The following ZAP70 variants were observed in gnomAD, a reference collection of about 807,000 sequenced individuals.
The protein encoded by ZAP70 is zeta chain of T cell receptor associated protein kinase 70.
Under a neutral mutation model 65.8 loss-of-function variants are expected in ZAP70, and 27 were observed. That is an observed-to-expected ratio of 0.41 (90% CI 0.30 to 0.57). The LOEUF is 0.57. ZAP70 is among the 20% of genes least tolerant of loss of function. The probability of loss-of-function intolerance (pLI) is 0.28; values close to 1 mark genes in which losing one functional copy is unlikely to be tolerated. For synonymous variants in ZAP70, 363 were observed against 360.8 expected, an observed-to-expected ratio of 1.01 and a Z score of -0.07; for missense variants, 696 against 870.5, an observed-to-expected ratio of 0.80 and a Z score of 2.52.
chr2:97,734,195 A>G, intron 8 of ZAP70: 1 of 444,850 alleles, frequency 2.2e-6, no homozygotes, highest in Non-Finnish European at 3.8e-6. Context: ...ATACGCAGAC[A>G]GGGACGGGCC....
chr2:97,722,902 G>A (rs1362351659), intron 2 of ZAP70, among the ~76,000 whole-genome samples: 1 of 152,148 alleles, frequency 6.6e-6, no homozygotes, highest in African/African-American at 2.4e-5. Flanking sequence ...CAAGCAGATC[G>A]TTACCTAGGG....
Position 97,725,216 on chromosome 2 carries a change from A to G in ZAP70, c.527A>G (p.Lys176Arg), listed in dbSNP as rs777528648. The change falls in exon 4 of 14, where the codon AAA becomes AGA. Residue 176 changes from lysine to arginine, a missense_variant. Physicochemically the swap from Lys to Arg is conservative, Grantham distance 26 (BLOSUM62 2). Transcript: ENST00000264972. The stretch of plus-strand genomic sequence containing the variant: ...CTGACGCGTGAGGAGGCCGAGCGCA[A>G]ACTTTACTCTGGGGCGCAGACCGAC... ...SSLTREEAER[K>R]LYSGAQTDGK... The G allele has an allele frequency of 6.2e-6, 10 of 1,613,988 alleles. 1 individual carries two copies. The South Asian group carries it at 9.9e-5, about 16-fold the overall frequency.
In ZAP70 at chr2:97,739,380, A is replaced by C. The variant is rs1678048779; in HGVS notation, c.1742A>C (p.Glu581Ala). ...LMSDCWIYKWEDRPDFLTVEQ... is the reference protein window; with the variant it reads ...LMSDCWIYKWADRPDFLTVEQ... ...ATGTACCCCACGCCCCACAGGTGGG[A>C]GGATCGCCCCGACTTCCTGACCGTG... The change falls in exon 14 of 14, where the codon GAG (glutamate) becomes GCG (alanine). Residue 581 changes from glutamate (E) to alanine (A), a missense_variant. Glu to Ala is a moderately radical substitution (Grantham distance 107, BLOSUM62 -1). Around this residue, in one of 3 missense-constraint regions of ZAP70, gnomAD observed 78 missense variants for 88.6 expected, o/e 0.88. Coordinates refer to ENST00000264972, the MANE Select transcript of ZAP70 (RefSeq NM_001079.4). The C allele has an allele frequency of 6.2e-7, 1 of 1,613,272 alleles. No individual in the cohort carries two copies. The highest frequency in any genetic ancestry group is 1.3e-5 in the African/African-American group (1 of 74,928).
rs1020800762 is a variant in ZAP70 at position 97,731,268 on chromosome 2, G to A, written c.564-1615G>A. ...CTTCCACAGCTCTGAGACCCCCAGG[G>A]CCAATAGCCCTCCCTCCTCACTGGA... is the stretch of plus-strand genomic sequence containing the variant. On this transcript the variant is annotated intron_variant, in intron 4 of 13. Coordinates refer to ENST00000264972, the MANE Select transcript of ZAP70 (RefSeq NM_001079.4). The surrounding 1 kb of genome is among the most constrained non-coding windows in gnomAD (Gnocchi z 4.0). Among the ~76,000 whole-genome samples the A allele has an allele frequency of 6.6e-6, 1 of 152,110 alleles. No individual in the cohort carries two copies. Among genetic ancestry groups the A allele is most frequent in the Non-Finnish European group, 1.5e-5 (1 of 68,002 alleles).
the ZAP70 span, among the ~76,000 whole-genome samples, chr2:97,752,816 T>G: frequency 6.6e-6 from 1 of 152,196 alleles, no homozygotes; most frequent in Non-Finnish European, 1.5e-5. Context: ...CCTGCCCATG[T>G]GGGAGCAAAT....
At chr2:97,747,815 GTTTTTTTTTTTTTTTTTTTTT>G in the ZAP70 span, among the ~76,000 whole-genome samples, 7 of 54,748 alleles carry the variant, frequency 1.3e-4, no homozygotes, top group Admixed American at 7.6e-4. Flanking sequence ...CTGGCACGAG[GTTTTTTTTTTTTTTTTTTTTT>G]TTTTTTTTTT....
At chr2:97,719,985 G>A (rs1021393418) in intron 2 of ZAP70, among the ~76,000 whole-genome samples, 3 of 152,126 alleles carry the variant, frequency 2.0e-5, no homozygotes, top group Admixed American at 1.3e-4. Flanking sequence ...AGGCCTTTGC[G>A]ATGCGTTTGC....
rs749604693 is a variant in ZAP70 at position 97,739,474 on chromosome 2, G to C, written c.1836G>C (p.Gln612His). The C allele has an allele frequency of 1.9e-6, 3 of 1,613,378 alleles. No individual in the cohort carries two copies. Among genetic ancestry groups the C allele is most frequent in the Admixed American group, 1.7e-5 (1 of 60,008 alleles). Residue 612 changes from glutamine (Q) to histidine (H), a missense_variant, in exon 14 of 14, where the codon CAG becomes CAC. Gln to His is a conservative substitution (Grantham distance 24). Transcript: ENST00000264972. ...TGGAAGGGCCCCCAGGCAGCACACAGAAGGCTGAGGCTGCCTGTGCCTGAG... is the reference window on the plus strand; with the variant it reads ...TGGAAGGGCCCCCAGGCAGCACACACAAGGCTGAGGCTGCCTGTGCCTGAG... ...SKVEGPPGST[Q>H]KAEAACA is the part of the protein sequence containing the mutation.
intron 13 of ZAP70, chr2:97,738,378 C>T (rs1677998511): frequency 1.9e-6 from 1 of 528,064 alleles, no homozygotes; most frequent in South Asian, 2.0e-5. Context: ...ACACATGGAC[C>T]CTGCAACACG....
rs897972295 is a variant in ZAP70 at position 97,724,153 on chromosome 2, C to T, written c.117C>T (p.Cys39=). ...ACGGGCTCTTCCTGCTGCGCCAGTG[C>T]CTGCGCTCGCTGGGCGGCTATGTGC... ...MADGLFLLRQ[C]LRSLGGYVLS... The change falls in exon 3 of 14, where the codon TGC becomes TGT. Residue 39 remains cysteine, a synonymous_variant. Transcript: ENST00000264972. 5 of 1,578,338 alleles carry T rather than the reference C, an allele frequency of 3.2e-6. No homozygotes were observed. The African/African-American group carries it at 5.4e-5, about 17-fold the overall frequency.
downstream of ZAP70, among the ~76,000 whole-genome samples, chr2:97,744,397 T>G (rs1678200390): frequency 6.6e-6 from 1 of 152,268 alleles, no homozygotes; most frequent in South Asian, 2.1e-4. Flanking sequence ...CTCTGCAGTC[T>G]GGCTGTGAGA....
At chr2:97,725,309 C>A in intron 4 of ZAP70, 57 bp downstream of exon 4, 1 of 1,597,748 alleles carries the variant, frequency 6.3e-7, no homozygotes, top group Non-Finnish European at 8.6e-7. Flanking sequence ...GGCAGGGATC[C>A]TGGGGACTGG....
At chr2:97,716,243 C>CA (rs1225487233) in intron 2 of ZAP70, among the ~76,000 whole-genome samples, 1 of 152,202 alleles carries the variant, frequency 6.6e-6, no homozygotes, top group African/African-American at 2.4e-5. Flanking sequence ...TGTGGCCCCT[C>CA]ACCCCTTCCC....
chr2:97,739,817 G>GC lies in ZAP70; in HGVS notation c.*319_*320insC, dbSNP rs1390979918. ...GACATTGGAGCCTGGGCATCCTCAG[G>GC]TGGTCAGGCGTAGATCACCAGAATA... On this transcript the variant is annotated 3_prime_UTR_variant, in exon 14 of 14. Coordinates refer to ENST00000264972, the MANE Select transcript of ZAP70 (RefSeq NM_001079.4). 4.7e-6 allele frequency: 2 copies of GC among 427,786 alleles called. No homozygotes were observed. The highest frequency in any genetic ancestry group is 8.6e-6 in the Non-Finnish European group (2 of 232,506). The allele number at this position is 427,786 out of a possible 1,614,324, so 26.5% of individuals were successfully genotyped here. A position where few individuals can be genotyped will look rare whatever the true frequency, so the allele number is the denominator to read the frequency against.
chr2:97,742,187 A>G (rs1397919391), downstream of ZAP70, among the ~76,000 whole-genome samples: 5 of 152,352 alleles, frequency 3.3e-5, no homozygotes, highest in Non-Finnish European at 7.3e-5. Context: ...TCTTTGTTTC[A>G]TATTTCCTGA....
chr2:97,748,848 T>C, the ZAP70 span, among the ~76,000 whole-genome samples: 1 of 151,956 alleles, frequency 6.6e-6, no homozygotes, highest in Non-Finnish European at 1.5e-5. Flanking sequence ...CCCATAACAT[T>C]GCTCCTGAAA....
At chr2:97,753,425 C>T in the ZAP70 span, among the ~76,000 whole-genome samples, 5 of 152,152 alleles carry the variant, frequency 3.3e-5, no homozygotes, top group Admixed American at 6.5e-5. Flanking sequence ...TGGAAAATGC[C>T]GTGATTCCAC....
Position 97,724,086 on chromosome 2 carries a change from G to C in ZAP70, c.50G>C (p.Arg17Pro). The change falls in exon 3 of 14, where the codon CGT (arginine) becomes CCT (proline). Residue 17 changes from arginine (R) to proline (P), a missense_variant. Coordinates refer to ENST00000264972, the MANE Select transcript of ZAP70 (RefSeq NM_001079.4). The part of the protein sequence containing the change: ...HLPFFYGSIS[R>P]AEAEEHLKLA... ...CCCTTCTTCTACGGCAGCATCTCGC[G>C]TGCCGAGGCCGAGGAGCACCTGAAG... is the stretch of plus-strand genomic sequence containing the variant. 6.4e-7 allele frequency: 1 copy of C among 1,561,066 alleles called. No individual in the cohort carries two copies. Among genetic ancestry groups the C allele is most frequent in the Non-Finnish European group, 8.6e-7 (1 of 1,157,318 alleles).
At chr2:97,756,349 A>C in the ZAP70 span, 1 of 152,260 alleles carries the variant, frequency 6.6e-6, no homozygotes, top group Non-Finnish European at 1.5e-5. Flanking sequence ...TGAAAAAAGC[A>C]TCATTTATTT....
Sources: gnomAD v4.1 joint callset for allele counts (sites outside exome capture counted in the v4.1 genomes callset) on GRCh38, gnomAD v4.1.1 for gene constraint, gnomAD v4.1.1 regional missense constraint, Gnocchi (gnomAD v3.1) non-coding constraint, MANE v1.5 for transcripts, NCBI Gene and HGNC (gene_info 2026-07-23, HGNC 2026-07-21) for gene names.